The following LRP6 variants were observed in gnomAD, a reference collection of about 807,000 sequenced individuals.
LRP6 encodes the protein low-density lipoprotein receptor-related protein 6.
Under a neutral mutation model 184.1 loss-of-function variants are expected in LRP6, and 43 were observed. That is an observed-to-expected ratio of 0.23 (90% CI 0.18 to 0.30). The LOEUF is 0.30. Among genes scored for constraint, LRP6 ranks in the 10% least tolerant of loss-of-function variants. The pLI is 1.00. For synonymous variants in LRP6, 719 were observed against 684.9 expected, an observed-to-expected ratio of 1.05 and a Z score of -0.78; for missense variants, 1,571 against 2,005.3, an observed-to-expected ratio of 0.78 and a Z score of 4.14.
intron 3 of LRP6, among the ~76,000 whole-genome samples, chr12:12,191,034 G>A (rs567795559): frequency 1.3e-5 from 2 of 152,324 alleles, no homozygotes; most frequent in South Asian, 4.1e-4. Context: ...TGCAGGATAT[G>A]AGAAAGAAAC....
chr12:12,230,427 A>T (rs559300961), intron 2 of LRP6, among the ~76,000 whole-genome samples: 147 of 152,256 alleles, frequency 9.7e-4, no homozygotes, highest in African/African-American at 3.5e-3. Flanking sequence ...ATAAATCTAG[A>T]CTAAAGGGAT....
intron 2 of LRP6, among the ~76,000 whole-genome samples, chr12:12,221,470 GCATCAGCAA>G (rs1864487502): frequency 6.6e-6 from 1 of 152,080 alleles, no homozygotes; most frequent in South Asian, 2.1e-4. Context: ...AGCATCAACA[GCATCAGCAA>G]CATCATGAAA....
intron 2 of LRP6, among the ~76,000 whole-genome samples, chr12:12,231,405 G>A (rs1864784734): frequency 6.6e-6 from 1 of 151,994 alleles, no homozygotes; most frequent in Admixed American, 6.6e-5. Context: ...GAGGGACACA[G>A]GAAGCCTTTT....
intron 11 of LRP6, among the ~76,000 whole-genome samples, 159 bp from the exon 12 acceptor site, chr12:12,159,314 A>C (rs1862683077): frequency 6.6e-6 from 1 of 152,148 alleles, no homozygotes; most frequent in Non-Finnish European, 1.5e-5. Flanking sequence ...AGCAATTCTA[A>C]AACGAGACCA....
At chr12:12,228,406 A>G (rs1413841695) in intron 2 of LRP6, among the ~76,000 whole-genome samples, 2 of 152,156 alleles carry the variant, frequency 1.3e-5, no homozygotes, top group African/African-American at 2.4e-5. Context: ...GATAAATGCT[A>G]TGCCTAAAAG....
At chr12:12,166,863 C>T (rs958644864) in intron 7 of LRP6, among the ~76,000 whole-genome samples, 1 of 152,146 alleles carries the variant, frequency 6.6e-6, no homozygotes, top group African/African-American at 2.4e-5. Context: ...TTTGGAAGGC[C>T]AAGGCAGGAG....
chr12:12,189,244 T>C (rs1443868292), intron 3 of LRP6, among the ~76,000 whole-genome samples: 1 of 152,200 alleles, frequency 6.6e-6, no homozygotes, highest in Non-Finnish European at 1.5e-5. Context: ...TATTTCTTCA[T>C]CTGTCAACGG....
At chr12:12,199,796 T>C (rs1863864554) in intron 3 of LRP6, among the ~76,000 whole-genome samples, 1 of 151,548 alleles carries the variant, frequency 6.6e-6, no homozygotes, top group African/African-American at 2.4e-5. Flanking sequence ...AAATCCCGCC[T>C]CTACTAAAAA....
chr12:12,131,709 G>C (rs1207095041), intron 18 of LRP6, 112 bp downstream of exon 18: 2 of 830,582 alleles, frequency 2.4e-6, no homozygotes, highest in Non-Finnish European at 4.3e-6. Flanking sequence ...AAGTGATACA[G>C]TCATATGTAC....
rs116027570 is a variant in LRP6, at chr12:12,260,420, A to G, written c.55+6261T>C. On this transcript the variant is annotated intron_variant, in intron 1 of 22. Transcript: ENST00000261349. Reference sequence around the variant, plus strand: ...AAAAAATTTAGTGTCATTCCGTTTTATATCAAACAAAACAGAAATTTCCAT... The same window carrying G: ...AAAAAATTTAGTGTCATTCCGTTTTGTATCAAACAAAACAGAAATTTCCAT... 8.1e-3 allele frequency among the ~76,000 whole-genome samples: 1,228 copies of G among 152,104 alleles called. 16 individuals carry two copies. The highest frequency in any genetic ancestry group is 0.028 in the African/African-American group (1,169 of 41,516).
intron 2 of LRP6, among the ~76,000 whole-genome samples, chr12:12,214,720 G>A (rs1247842474): frequency 2.0e-5 from 3 of 152,192 alleles, no homozygotes; most frequent in Non-Finnish European, 2.9e-5. Flanking sequence ...GGGGAATATG[G>A]AATGCGTTTT....
intron 2 of LRP6, among the ~76,000 whole-genome samples, chr12:12,213,225 G>C (rs904476180): frequency 1.3e-5 from 2 of 151,806 alleles, no homozygotes; most frequent in African/African-American, 4.8e-5. Context: ...TTCACTCCTG[G>C]TCTCATCTTA....
chr12:12,162,268 T>A lies in LRP6; in HGVS notation c.2204A>T (p.Asp735Val), dbSNP rs754383312. The part of the protein sequence containing the change: ...GTNRIEVSKL[D>V]GQHRQVLVWK... ...CACCAAAACTTGTCGGTGCTGCCCA[T>A]CCAACTTTGACACCTCAATTCGATT... Residue 735 changes from aspartate (D) to valine (V), a missense_variant, in exon 10 of 23, where the codon GAT (aspartate) becomes GTT (valine). Physicochemically the swap from Asp to Val is radical, Grantham distance 152. Around this residue, in one of 4 missense-constraint regions of LRP6, gnomAD observed 158 missense variants for 258.4 expected, o/e 0.61. Coordinates refer to ENST00000261349, the MANE Select transcript of LRP6 (RefSeq NM_002336.3). 1.2e-6 allele frequency: 2 copies of A among 1,614,048 alleles called. No homozygotes were observed. Among genetic ancestry groups the A allele is most frequent in the Non-Finnish European group, 1.7e-6 (2 of 1,180,034 alleles).
intron 2 of LRP6, among the ~76,000 whole-genome samples, chr12:12,236,087 C>G (rs188496858): frequency 2.0e-5 from 3 of 152,114 alleles, no homozygotes; most frequent in African/African-American, 4.8e-5. Flanking sequence ...ATTAGCCAGG[C>G]GTGGTGGCGG....
At chr12:12,160,592 C>T (rs546147558) in intron 10 of LRP6, among the ~76,000 whole-genome samples, 10 of 152,296 alleles carry the variant, frequency 6.6e-5, no homozygotes, top group Middle Eastern at 3.4e-3. Flanking sequence ...CACTACACTA[C>T]GCTACAACAA....
chr12:12,209,182 G>GA (rs1864143347), intron 2 of LRP6, among the ~76,000 whole-genome samples: 1 of 152,196 alleles, frequency 6.6e-6, no homozygotes, highest in Admixed American at 6.5e-5. Flanking sequence ...TATAAAGACA[G>GA]AAAATGCAAT....
intron 2 of LRP6, among the ~76,000 whole-genome samples, chr12:12,216,876 A>G (rs1474589181): frequency 7.7e-6 from 1 of 130,626 alleles, no homozygotes; most frequent in Non-Finnish European, 1.6e-5. Context: ...GGGATTATGT[A>G]ATTTCCTTAC....
chr12:12,255,421 T>TA (rs34525701), intron 1 of LRP6, among the ~76,000 whole-genome samples: 25,120 of 146,314 alleles, frequency 0.17, 2,171 homozygotes, highest in Non-Finnish European at 0.19. Flanking sequence ...CTCCTTTCTA[T>TA]AAAAAAAAAA....
intron 1 of LRP6, among the ~76,000 whole-genome samples, chr12:12,261,647 T>C (rs1412792655): frequency 6.6e-6 from 1 of 152,170 alleles, no homozygotes; most frequent in Non-Finnish European, 1.5e-5. Context: ...CCGGTCTCTT[T>C]ACCTCAGGAC....
Sources: allele counts gnomAD v4.1 joint callset (sites outside exome capture counted in the v4.1 genomes callset), GRCh38; gene constraint gnomAD v4.1.1; regional missense constraint gnomAD v4.1.1; transcripts MANE v1.5; gene names NCBI Gene and HGNC (gene_info 2026-07-23, HGNC 2026-07-21).